The following GTF2F2 variants were observed in gnomAD, a reference collection of about 807,000 sequenced individuals.
GTF2F2 encodes the protein ATP-dependent helicase GTF2F2.
Under a neutral mutation model 42.2 loss-of-function variants are expected in GTF2F2, and 23 were observed. That is an observed-to-expected ratio of 0.55 (90% CI 0.39 to 0.77). The LOEUF is 0.77. Among genes scored for constraint, GTF2F2 ranks in the 30% least tolerant of loss-of-function variants. The probability of loss-of-function intolerance (pLI) is 0.00; values close to 1 mark genes in which losing one functional copy is unlikely to be tolerated. For synonymous variants in GTF2F2, 105 were observed against 100.8 expected (o/e 1.04, Z -0.25); for missense variants, 261 against 287.2 (o/e 0.91, Z 0.66).
At chr13:45,280,035 T>G (rs1487810810) in intron 7 of GTF2F2, among the ~76,000 whole-genome samples, 1 of 151,542 alleles carries the variant, frequency 6.6e-6, no homozygotes, top group Non-Finnish European at 1.5e-5. Flanking sequence ...AAATCTAAGG[T>G]AAGGCTGTTA....
intron 4 of GTF2F2, chr13:45,194,684 G>T: frequency 1.1e-6 from 1 of 932,992 alleles, no homozygotes; most frequent in Non-Finnish European, 1.6e-6. Flanking sequence ...TGGAAACGCT[G>T]GCAGCATCGC....
intron 3 of GTF2F2, among the ~76,000 whole-genome samples, chr13:45,150,043 A>G (rs1444785652): frequency 6.6e-6 from 1 of 152,188 alleles, no homozygotes; most frequent in South Asian, 2.1e-4. Context: ...AACTTCTGTA[A>G]TACTTTACTA....
chr13:45,228,172 C>T (rs1273315627), intron 5 of GTF2F2, among the ~76,000 whole-genome samples: 1 of 151,356 alleles, frequency 6.6e-6, no homozygotes, highest in Non-Finnish European at 1.5e-5. Flanking sequence ...CCGTTCTTCC[C>T]TTTAACCGAC....
At chr13:45,205,428 A>G (rs1206432098) in intron 4 of GTF2F2, among the ~76,000 whole-genome samples, 4 of 152,236 alleles carry the variant, frequency 2.6e-5, no homozygotes, top group African/African-American at 9.6e-5. Flanking sequence ...GGGGACACAG[A>G]GCCAGACCAT....
intron 6 of GTF2F2, among the ~76,000 whole-genome samples, chr13:45,265,447 A>G (rs1283496412): frequency 6.6e-6 from 1 of 152,128 alleles, no homozygotes; most frequent in Non-Finnish European, 1.5e-5. Flanking sequence ...CGTTTTAGAA[A>G]GAAAAAGCTG....
At position 45,283,030 on chromosome 13, in the gene GTF2F2, C is replaced by G. The variant is rs1414332154; in HGVS notation, c.631-412C>G. Among the ~76,000 whole-genome samples the G allele has an allele frequency of 5.9e-5, 9 of 152,186 alleles. 1 individual carries two copies. Among genetic ancestry groups the G allele is most frequent in the African/African-American group, 2.2e-4 (9 of 41,532 alleles). ...TGCTCATTTTTTTTATATGCTACTG[C>G]TCCTGAAACTACTGGTTTCAATCTG... On this transcript the variant is annotated intron_variant, in intron 7 of 7. Coordinates refer to ENST00000340473, the MANE Select transcript of GTF2F2 (RefSeq NM_004128.3).
At chr13:45,279,146 C>A (rs1199197631) in intron 7 of GTF2F2, among the ~76,000 whole-genome samples, 2 of 152,174 alleles carry the variant, frequency 1.3e-5, no homozygotes, top group African/African-American at 2.4e-5. Context: ...TCTTTGCCCC[C>A]ATCCTCTGCA....
intron 6 of GTF2F2, among the ~76,000 whole-genome samples, chr13:45,266,154 T>A (rs1182873806): frequency 2.0e-5 from 3 of 152,206 alleles, no homozygotes; most frequent in Non-Finnish European, 4.4e-5. Flanking sequence ...TACACAAAAC[T>A]GCAGAATAAA....
chr13:45,226,610 C>T (rs1029516821), intron 5 of GTF2F2, among the ~76,000 whole-genome samples: 2 of 152,214 alleles, frequency 1.3e-5, no homozygotes, highest in East Asian at 1.9e-4. Flanking sequence ...ATTCTTCTTA[C>T]CTGTTTGGTC....
chr13:45,252,771 A>G (rs1875931581), intron 5 of GTF2F2, 100 bp from the exon 6 acceptor site: 7 of 620,020 alleles, frequency 1.1e-5, no homozygotes, highest in African/African-American at 4.0e-5. Flanking sequence ...TTACCTTTTT[A>G]TATATTAGTT....
chr13:45,227,107 A>G (rs1035820895), intron 5 of GTF2F2, among the ~76,000 whole-genome samples: 3 of 152,204 alleles, frequency 2.0e-5, no homozygotes, highest in African/African-American at 7.2e-5. Context: ...CTCAAAAATA[A>G]AAAATATTAT....
chr13:45,154,208 T>C (rs1811594344), intron 4 of GTF2F2, among the ~76,000 whole-genome samples: 2 of 152,174 alleles, frequency 1.3e-5, no homozygotes, highest in Non-Finnish European at 2.9e-5. Context: ...AAAAGTACCC[T>C]ATTTCAGATT....
At chr13:45,127,938 CTTTTTTTTTTTTT>C (rs1161627204) in intron 1 of GTF2F2, among the ~76,000 whole-genome samples, 290 of 48,594 alleles carry the variant, frequency 6.0e-3, no homozygotes, top group South Asian at 0.015. Context: ...GCACCCCGGC[CTTTTTTTTTTTTT>C]TTTTTTTTTT....
At chr13:45,277,050 T>C (rs1489735596) in intron 7 of GTF2F2, among the ~76,000 whole-genome samples, 2 of 151,946 alleles carry the variant, frequency 1.3e-5, no homozygotes, top group Non-Finnish European at 2.9e-5. Context: ...GAGTGGAAGA[T>C]AGGAGGCGGG....
At chr13:45,142,122 T>C (rs1869956114) in intron 2 of GTF2F2, among the ~76,000 whole-genome samples, 1 of 152,226 alleles carries the variant, frequency 6.6e-6, no homozygotes, top group South Asian at 2.1e-4. Flanking sequence ...GTTGAAATTA[T>C]TTTATTCAAA....
intron 1 of GTF2F2, among the ~76,000 whole-genome samples, chr13:45,130,349 T>A (rs538758758): frequency 1.3e-5 from 2 of 152,310 alleles, no homozygotes; most frequent in Non-Finnish European, 2.9e-5. Flanking sequence ...ATTTGTAAAG[T>A]GTTTAGAAAA....
intron 7 of GTF2F2, among the ~76,000 whole-genome samples, chr13:45,273,877 C>T (rs762732048): frequency 2.0e-5 from 3 of 152,026 alleles, no homozygotes; most frequent in Non-Finnish European, 2.9e-5. Context: ...TTCCTGAACA[C>T]GCTAGAAAGA....
chr13:45,229,751 A>G (rs1218151152), intron 5 of GTF2F2, among the ~76,000 whole-genome samples: 1 of 152,214 alleles, frequency 6.6e-6, no homozygotes, highest in Non-Finnish European at 1.5e-5. Context: ...CTTACATTTT[A>G]TTTGAGAAAT....
At chr13:45,122,156 A>G (rs1374947977) in intron 1 of GTF2F2, among the ~76,000 whole-genome samples, 3 of 151,602 alleles carry the variant, frequency 2.0e-5, no homozygotes, top group Admixed American at 6.6e-5. Context: ...GATGGGGACC[A>G]TATACTCAGA....
Sources: allele counts gnomAD v4.1 joint callset (sites outside exome capture counted in the v4.1 genomes callset), GRCh38; gene constraint gnomAD v4.1.1; transcripts MANE v1.5; gene names NCBI Gene and HGNC (gene_info 2026-07-23, HGNC 2026-07-21).